The following YEATS2 variants were observed in gnomAD, a reference collection of about 807,000 sequenced individuals.
YEATS2 encodes YEATS domain containing 2.
Under a neutral mutation model 163.2 loss-of-function variants are expected in YEATS2, and 77 were observed. The observed-to-expected ratio is 0.47, with a 90% CI of 0.39 to 0.57. The LOEUF (loss-of-function observed/expected upper bound fraction) is 0.57, where lower values mean the gene tolerates loss of function less well. Ranked by LOEUF, YEATS2 falls within the 20% of genes least tolerant of loss-of-function variation. YEATS2 has a pLI of 0.00. For synonymous variants in YEATS2, 631 were observed against 645.1 expected, an observed-to-expected ratio of 0.98 and a Z score of 0.33; for missense variants, 1,549 against 1,729.8, an observed-to-expected ratio of 0.90 and a Z score of 1.85.
intron 22 of YEATS2, among the ~76,000 whole-genome samples, chr3:183,798,278 C>A (rs912513187): frequency 1.3e-5 from 2 of 151,970 alleles, no homozygotes; most frequent in African/African-American, 2.4e-5. Flanking sequence ...TTCTAAACAG[C>A]TGCCCTTATC....
intron 15 of YEATS2, 125 bp downstream of exon 15, chr3:183,762,404 G>GCCC: frequency 8.0e-7 from 1 of 1,244,090 alleles, no homozygotes; most frequent in Non-Finnish European, 1.1e-6. Context: ...GTGGGTGAAA[G>GCCC]CCTAGTTGGA....
intron 8 of YEATS2, among the ~76,000 whole-genome samples, chr3:183,741,552 C>A (rs938370749): frequency 5.3e-5 from 8 of 150,012 alleles, no homozygotes; most frequent in Non-Finnish European, 1.2e-4. Context: ...GAGGCCGAGG[C>A]GAGTGGATCA....
intron 25 of YEATS2, chr3:183,802,528 T>C (rs1487579243): frequency 6.6e-6 from 1 of 150,688 alleles, no homozygotes; most frequent in Non-Finnish European, 1.5e-5. Context: ...TATATATATA[T>C]ACACGTGTAT....
intron 1 of YEATS2, among the ~76,000 whole-genome samples, chr3:183,712,423 C>G (rs1327631507): frequency 6.6e-6 from 1 of 151,764 alleles, no homozygotes; most frequent in East Asian, 1.9e-4. Context: ...GTTGGCCAGC[C>G]TGGTCTTGAA....
At chr3:183,768,076 AGTT>A (rs1722089870) in intron 15 of YEATS2, among the ~76,000 whole-genome samples, 1 of 152,250 alleles carries the variant, frequency 6.6e-6, no homozygotes, top group African/African-American at 2.4e-5. Flanking sequence ...CTGCTATCTT[AGTT>A]AAGAGAAAAG....
At chr3:183,756,824 A>C in intron 12 of YEATS2, 135 bp downstream of exon 12, 1 of 797,362 alleles carries the variant, frequency 1.3e-6, no homozygotes, top group South Asian at 6.0e-5. Context: ...AAGTAAAAGG[A>C]AAGCCAATAC....
intron 1 of YEATS2, among the ~76,000 whole-genome samples, chr3:183,704,686 G>T (rs1289583695): frequency 6.6e-6 from 1 of 151,432 alleles, no homozygotes; most frequent in Non-Finnish European, 1.5e-5. Flanking sequence ...CTGGAGTGCA[G>T]TGGCGTGATT....
In YEATS2 at chr3:183,810,263, C is replaced by G. The variant is rs553335081; in HGVS notation, c.4161-212C>G. 3.3e-4 allele frequency: 162 copies of G among 492,040 alleles called. 2 individuals carry two copies. The highest frequency in any genetic ancestry group is 2.5e-3 in the South Asian group (98 of 38,996). 30.5% of individuals were successfully genotyped at this position (492,040 alleles called of 1,614,324 possible). ...TTCTCAGTTCTCAGAATCTTTTTTC[C>G]TAATTATTCAACCAACTTGTTGACA... On this transcript the variant is annotated intron_variant, in intron 30 of 30. Transcript: ENST00000305135.
intron 21 of YEATS2, among the ~76,000 whole-genome samples, chr3:183,795,265 A>G (rs1370190542): frequency 1.3e-5 from 2 of 151,946 alleles, no homozygotes; most frequent in Non-Finnish European, 2.9e-5. Flanking sequence ...CAAGGCCTAC[A>G]ACATATACAT....
chr3:183,750,613 T>C (rs1720061478), intron 9 of YEATS2, among the ~76,000 whole-genome samples: 1 of 152,226 alleles, frequency 6.6e-6, no homozygotes, highest in Non-Finnish European at 1.5e-5. Context: ...TTTTAATTTA[T>C]AGTAGTTATT....
In YEATS2 at chr3:183,808,117, AG is replaced by A. The variant is rs777202464; in HGVS notation, c.4086+17del. ...CATGATCCTGAAGGTGGGTGCCTGC[AG>A]GGGCCGCCAGCCAGGAAGGATGGTT... On this transcript the variant is annotated intron_variant, in intron 29 of 30. Transcript: ENST00000305135. 9 of 1,549,364 alleles carry A rather than the reference AG, an allele frequency of 5.8e-6. No homozygotes were observed. In the African/African-American group the frequency reaches 8.2e-5, roughly 14 times the overall value.
At chr3:183,774,451 AGTT>A (rs764782936) in intron 17 of YEATS2, among the ~76,000 whole-genome samples, 112 of 152,242 alleles carry the variant, frequency 7.4e-4, no homozygotes, top group Non-Finnish European at 1.1e-3. Context: ...TTCATGGAAA[AGTT>A]GTCTTCCATG....
intron 10 of YEATS2, among the ~76,000 whole-genome samples, chr3:183,753,632 C>G (rs1317335168): frequency 6.6e-6 from 1 of 152,162 alleles, no homozygotes; most frequent in Non-Finnish European, 1.5e-5. Flanking sequence ...CCTGTAATCC[C>G]AGCTATTCCG....
chr3:183,719,219 G>A (rs1472620862), intron 4 of YEATS2, among the ~76,000 whole-genome samples: 1 of 147,424 alleles, frequency 6.8e-6, no homozygotes, highest in Non-Finnish European at 1.5e-5. Context: ...CTAGAGTGCA[G>A]TGGCCTCCCA....
At chr3:183,749,003 C>T (rs141230651) in intron 9 of YEATS2, among the ~76,000 whole-genome samples, 4,188 of 151,994 alleles carry the variant, frequency 0.028, 186 homozygotes, top group African/African-American at 0.094. Flanking sequence ...AGTGCGGTGG[C>T]GTGATCTCCA....
intron 5 of YEATS2, among the ~76,000 whole-genome samples, chr3:183,722,811 C>G (rs190223847): frequency 7.2e-5 from 11 of 152,252 alleles, no homozygotes; most frequent in African/African-American, 2.6e-4. Context: ...TGCTACCACG[C>G]CTGGCTAATT....
chr3:183,737,381 T>C (rs1718452371), intron 8 of YEATS2, among the ~76,000 whole-genome samples: 1 of 152,342 alleles, frequency 6.6e-6, no homozygotes. Flanking sequence ...TTTCTGAGTA[T>C]GTTTATGCTT....
At chr3:183,705,325 C>G (rs1302325675) in intron 1 of YEATS2, among the ~76,000 whole-genome samples, 2 of 152,196 alleles carry the variant, frequency 1.3e-5, no homozygotes, top group Admixed American at 1.3e-4. Context: ...GCTGGGATTA[C>G]AAGCGTGAGC....
chr3:183,763,539 T>G (rs1721593674), intron 15 of YEATS2, among the ~76,000 whole-genome samples: 1 of 152,234 alleles, frequency 6.6e-6, no homozygotes, highest in East Asian at 1.9e-4. Context: ...CCCTGGAGGG[T>G]GGGGATTTTC....
Sources: gnomAD v4.1 joint callset for allele counts (sites outside exome capture counted in the v4.1 genomes callset) on GRCh38, gnomAD v4.1.1 for gene constraint, MANE v1.5 for transcripts, NCBI Gene and HGNC (gene_info 2026-07-23, HGNC 2026-07-21) for gene names.